The following CDC45 variants were observed in gnomAD, a reference collection of about 807,000 sequenced individuals.
CDC45 encodes the protein cell division cycle 45.
In CDC45, 54 loss-of-function variants were observed where a neutral mutation model predicts 77.8. That is an observed-to-expected ratio of 0.69 (90% CI 0.56 to 0.87). The LOEUF is 0.87. Ranked by LOEUF, CDC45 falls within the 40% of genes least tolerant of loss-of-function variation. The pLI is 0.00. For synonymous variants in CDC45, 260 were observed against 272.1 expected (o/e 0.96, Z 0.44); for missense variants, 649 against 721.6 (o/e 0.90, Z 1.15).
chr22:19,516,211 C>T (rs1203609512), intron 15 of CDC45, among the ~76,000 whole-genome samples: 1 of 151,918 alleles, frequency 6.6e-6, no homozygotes, highest in African/African-American at 2.4e-5. Flanking sequence ...GCAGGGCAGG[C>T]TCCTTGCAAC....
chr22:19,487,910 C>CAA (rs11291499), intron 5 of CDC45, among the ~76,000 whole-genome samples: 1,639 of 67,196 alleles, frequency 0.024, 64 homozygotes, highest in African/African-American at 0.068. Context: ...GACTCCGTCT[C>CAA]AAAAAAAAAA....
intron 5 of CDC45, among the ~76,000 whole-genome samples, chr22:19,488,613 G>A (rs768253596): frequency 1.3e-5 from 2 of 152,156 alleles, no homozygotes; most frequent in African/African-American, 4.8e-5. Context: ...ATTGTGGCAG[G>A]GTCAAAGAAA....
At chr22:19,507,560 C>A in intron 11 of CDC45, 43 bp downstream of exon 11, 1 of 1,609,880 alleles carries the variant, frequency 6.2e-7, no homozygotes, top group Middle Eastern at 1.7e-4. Flanking sequence ...CCCTGGCCAC[C>A]CCCAAGGGAA....
rs370189954 is a variant in CDC45 at position 19,516,502 on chromosome 22, C to T, written c.1441-25C>T. Reference sequence around the variant, plus strand: ...TGAGCTGGGGCCCACCATACCCTGACGGAGGGTGCTCTCCGACTCCATAGA... The same window carrying T: ...TGAGCTGGGGCCCACCATACCCTGATGGAGGGTGCTCTCCGACTCCATAGA... On this transcript the variant is annotated intron_variant, in intron 15 of 18. Transcript: ENST00000263201. The T allele has an allele frequency of 1.6e-5, 25 of 1,583,344 alleles. 1 individual carries two copies. Among genetic ancestry groups the T allele is most frequent in the Middle Eastern group, 1.7e-4 (1 of 6,016 alleles).
intron 4 of CDC45, 132 bp downstream of exon 4, chr22:19,482,959 G>T: frequency 1.4e-6 from 1 of 737,056 alleles, no homozygotes. Flanking sequence ...CAAGAACTTG[G>T]TCTTTGTCAT....
chr22:19,491,263 A>G (rs754741330), intron 5 of CDC45, among the ~76,000 whole-genome samples: 2 of 152,202 alleles, frequency 1.3e-5, no homozygotes, highest in Non-Finnish European at 2.9e-5. Flanking sequence ...AAGTAAGGAA[A>G]GCCTATTGTA....
At chr22:19,512,785 A>C (rs1042016223) in intron 13 of CDC45, among the ~76,000 whole-genome samples, 7 of 152,206 alleles carry the variant, frequency 4.6e-5, no homozygotes, top group Admixed American at 2.0e-4. Flanking sequence ...AAACACTCTT[A>C]GTCCATTTTG....
At chr22:19,511,277 T>C (rs1353899218) in intron 13 of CDC45, among the ~76,000 whole-genome samples, 1 of 152,192 alleles carries the variant, frequency 6.6e-6, no homozygotes, top group African/African-American at 2.4e-5. Context: ...CTCATGTGCT[T>C]ATTGGTCATT....
At chr22:19,487,531 TAAAAAG>T (rs1418066457) in intron 5 of CDC45, among the ~76,000 whole-genome samples, 4 of 146,884 alleles carry the variant, frequency 2.7e-5, no homozygotes, top group Non-Finnish European at 6.0e-5. Context: ...CCTCATCTCT[TAAAAAG>T]AAAAGAATGA....
chr22:19,488,710 A>G (rs905346297), intron 5 of CDC45, among the ~76,000 whole-genome samples: 4 of 152,222 alleles, frequency 2.6e-5, no homozygotes, highest in African/African-American at 9.7e-5. Flanking sequence ...GATTTAACAA[A>G]TGTATAAAGA....
At chr22:19,506,968 G>A (rs1263039886) in intron 10 of CDC45, among the ~76,000 whole-genome samples, 6 of 152,140 alleles carry the variant, frequency 3.9e-5, no homozygotes, top group Admixed American at 3.9e-4. Context: ...TGAGGATGGG[G>A]GCGCTTCGTG....
In CDC45 at chr22:19,507,547, C is replaced by A. The variant is rs375051279; in HGVS notation, c.956+30C>A. On this transcript the variant is annotated intron_variant, in intron 11 of 18. Transcript: ENST00000263201. ...GTGACTGCCTGGGCCTCTGCAGTGC[C>A]AGCCCTGGCCACCCCCAAGGGAAAA... 7.3e-5 allele frequency: 117 copies of A among 1,612,202 alleles called. No homozygotes were observed. In the African/African-American group the frequency reaches 1.5e-3, roughly 20 times the overall value.
chr22:19,504,771 G>T (rs1023505995), intron 9 of CDC45, among the ~76,000 whole-genome samples: 1 of 152,154 alleles, frequency 6.6e-6, no homozygotes, highest in Admixed American at 6.5e-5. Flanking sequence ...CAGTATACAG[G>T]ACCCAAAGGA....
At chr22:19,486,084 C>T (rs972339307) in intron 5 of CDC45, among the ~76,000 whole-genome samples, 1 of 152,190 alleles carries the variant, frequency 6.6e-6, no homozygotes, top group African/African-American at 2.4e-5. Context: ...TGCAGTGGCA[C>T]GATCTCGGCT....
chr22:19,519,536 C>A (rs1218692755), intron 18 of CDC45, among the ~76,000 whole-genome samples: 2 of 152,214 alleles, frequency 1.3e-5, no homozygotes, highest in South Asian at 4.1e-4. Flanking sequence ...TCTTTGTAAC[C>A]ATCTCTCAGC....
intron 13 of CDC45, among the ~76,000 whole-genome samples, chr22:19,511,544 G>T (rs1415402598): frequency 3.3e-5 from 5 of 151,932 alleles, no homozygotes; most frequent in Non-Finnish European, 2.9e-5. Flanking sequence ...TGCTCAGGCT[G>T]GTCTCAAACT....
At chr22:19,479,711 G>C (rs13447181), upstream of CDC45, 36 of 681,252 alleles carry the variant, frequency 5.3e-5, no homozygotes, top group East Asian at 6.6e-4. Context: ...AGAGTTGAAG[G>C]GGGCAACAGT....
At position 19,482,592 on chromosome 22, in the gene CDC45, G is replaced by A; in HGVS notation, c.205-98G>A. 5 of 1,330,932 alleles carry A rather than the reference G, an allele frequency of 3.8e-6. No homozygotes were observed. The South Asian group carries it at 6.8e-5, about 18-fold the overall frequency. 82.4% of individuals were successfully genotyped at this position (1,330,932 alleles called of 1,614,324 possible). ...CACGTGGGCCTCGCCACATGTCAGG[G>A]ACTGAGTGAGTTTAAGCAGAACAAC... On this transcript the variant is annotated intron_variant, in intron 3 of 18. Coordinates refer to ENST00000263201, the MANE Select transcript of CDC45 (RefSeq NM_003504.5).
intron 5 of CDC45, among the ~76,000 whole-genome samples, chr22:19,487,635 C>T (rs1413174718): frequency 3.3e-5 from 5 of 152,030 alleles, no homozygotes; most frequent in Non-Finnish European, 7.4e-5. Flanking sequence ...TGCTATAGGC[C>T]GGGCGTGGTG....
Sources: gnomAD v4.1 joint callset for allele counts (sites outside exome capture counted in the v4.1 genomes callset) on GRCh38, gnomAD v4.1.1 for gene constraint, MANE v1.5 for transcripts, NCBI Gene and HGNC (gene_info 2026-07-23, HGNC 2026-07-21) for gene names.